CHD4: variants seen among roughly 807,000 people sequenced by gnomAD.
CHD4 encodes chromodomain helicase DNA binding protein 4, also known as ATP-dependent chromatin remodeler CHD4.
A neutral mutation model predicts 235.5 loss-of-function variants in CHD4; 35 were observed. The observed-to-expected ratio is 0.15, with a 90% CI of 0.11 to 0.20. The LOEUF (loss-of-function observed/expected upper bound fraction) is 0.20. Among genes scored for constraint, CHD4 ranks in the 10% least tolerant of loss-of-function variants. CHD4 has a pLI of 1.00. For missense variants in CHD4, 1,329 were observed against 2,432.3 expected (o/e 0.55, Z 9.54); for synonymous variants, 900 against 850.2 (o/e 1.06, Z -1.02).
At chr12:6,573,009 G>A (rs1592256605) in intron 38 of CHD4, 65 bp downstream of exon 38, 1 of 1,466,104 alleles carries the variant, frequency 6.8e-7, no homozygotes, top group Admixed American at 2.3e-5. Flanking sequence ...ACAAATATAT[G>A]TACATTAGGA....
At position 6,583,072 on chromosome 12, in the gene CHD4, C is replaced by T. The variant is rs1290450080; in HGVS notation, c.4102G>A (p.Val1368Met). ...DQSDNQSDYS[V>M]ASEEGDEDFD... ...TCTTCATCACCTTCCTCTGAAGCCA[C>T]TGAGTAATCGGACTGGTTGTCGGAC... Residue 1368 changes from valine to methionine, a missense_variant, in exon 27 of 40, where the codon GTG becomes ATG. Physicochemically the swap from Val to Met is conservative, Grantham distance 21. Around this residue, in one of 26 missense-constraint regions of CHD4, gnomAD observed 46 missense variants for 85.6 expected, o/e 0.54. Transcript: ENST00000544040. The T allele has an allele frequency of 6.3e-7, 1 of 1,575,214 alleles. No individual in the cohort carries two copies. The highest frequency in any genetic ancestry group is 1.4e-5 in the African/African-American group (1 of 73,712).
chr12:6,593,306 C>T lies in CHD4; in HGVS notation c.2515-78G>A. 1.2e-6 allele frequency: 2 copies of T among 1,604,690 alleles called. No homozygotes were observed. The highest frequency in any genetic ancestry group is 2.2e-5 in the East Asian group (1 of 44,818). Reference sequence around the variant, plus strand: ...AACCAGGAGACTGATGGAATGTTTTCCTCCTCCCAGGGTTACCCTTTTGCC... The same window carrying T: ...AACCAGGAGACTGATGGAATGTTTTTCTCCTCCCAGGGTTACCCTTTTGCC... On this transcript the variant is annotated intron_variant, in intron 16 of 39. Transcript: ENST00000544040. This position sits in a 1 kb window ranked among gnomAD's most constrained non-coding sequence, Gnocchi z 4.9.
chr12:6,600,459 C>CCAAAAA, intron 8 of CHD4, 64 bp from the exon 9 acceptor site: 2 of 1,605,096 alleles, frequency 1.2e-6, no homozygotes, highest in Non-Finnish European at 1.7e-6. Context: ...CCCCCCGACC[C>CCAAAAA]CTATCTCCTT....
At chr12:6,604,020 G>A (rs569570115) in intron 2 of CHD4, among the ~76,000 whole-genome samples, 4 of 152,336 alleles carry the variant, frequency 2.6e-5, no homozygotes, top group African/African-American at 9.6e-5. Context: ...GCTCATGCCT[G>A]TAATCGCAGC....
intron 14 of CHD4, 136 bp downstream of exon 14, chr12:6,595,198 G>A: frequency 2.9e-6 from 2 of 681,746 alleles, no homozygotes; most frequent in South Asian, 2.0e-5. Context: ...GGAGAAGTGG[G>A]GAAGCCGACT....
chr12:6,592,901 C>T (rs1948424871), intron 17 of CHD4, 84 bp from the exon 18 acceptor site: 1 of 1,547,282 alleles, frequency 6.5e-7, no homozygotes, highest in Non-Finnish European at 8.7e-7. Context: ...TTTTCACTGC[C>T]CAATAGTTAA....
intron 33 of CHD4, 110 bp downstream of exon 33, chr12:6,580,934 G>GA: frequency 8.3e-7 from 1 of 1,204,890 alleles, no homozygotes; most frequent in Non-Finnish European, 1.2e-6. Context: ...TCGAACCTGG[G>GA]AGGTGGAGGT....
At position 6,593,667 on chromosome 12, in the gene CHD4, C is replaced by A; in HGVS notation, c.2314-51G>T. On this transcript the variant is annotated intron_variant, in intron 15 of 39. Transcript: ENST00000544040. This position sits in a 1 kb window ranked among gnomAD's most constrained non-coding sequence, Gnocchi z 4.9. ...GACTGAGGGCCCCAGCACACTGCAA[C>A]CCCAGCGAACACCCACCACCCTGCT... is the stretch of plus-strand genomic sequence containing the variant. 1 of 1,539,458 alleles carries A rather than the reference C, an allele frequency of 6.5e-7. No homozygotes were observed. Among genetic ancestry groups the A allele is most frequent in the South Asian group, 1.1e-5 (1 of 88,714 alleles).
intron 25 of CHD4, 86 bp from the exon 26 acceptor site, chr12:6,583,464 G>A (rs1442824303): frequency 8.3e-7 from 1 of 1,208,072 alleles, no homozygotes; most frequent in Non-Finnish European, 1.2e-6. Flanking sequence ...CACTCTGCTA[G>A]CTCCTTTTCA....
intron 12 of CHD4, among the ~76,000 whole-genome samples, chr12:6,597,256 A>G (rs1248621138): frequency 1.3e-5 from 2 of 150,816 alleles, no homozygotes; most frequent in Non-Finnish European, 3.0e-5. Context: ...AGCCTGGGTG[A>G]CAAGTCTGTC....
chr12:6,593,655 A>G lies in CHD4; in HGVS notation c.2314-39T>C, dbSNP rs1332217079. 1.6e-5 allele frequency: 25 copies of G among 1,592,098 alleles called. No homozygotes were observed. The highest frequency in any genetic ancestry group is 1.8e-4 in the Middle Eastern group (1 of 5,654). Reference sequence around the variant, plus strand: ...GAGGAGAGTCAGGACTGAGGGCCCCAGCACACTGCAACCCCAGCGAACACC... The same window carrying G: ...GAGGAGAGTCAGGACTGAGGGCCCCGGCACACTGCAACCCCAGCGAACACC... On this transcript the variant is annotated intron_variant, in intron 15 of 39. Transcript: ENST00000544040. This position sits in a 1 kb window ranked among gnomAD's most constrained non-coding sequence, Gnocchi z 4.9.
At chr12:6,578,291 T>C (rs191278045) in intron 35 of CHD4, 118 bp downstream of exon 35, 150 of 1,409,966 alleles carry the variant, frequency 1.1e-4, no homozygotes, top group Middle Eastern at 2.0e-4. Flanking sequence ...CACTATCAGT[T>C]TGGCATTCCC....
rs758210504 is a variant in CHD4 at position 6,577,778 on chromosome 12, C to T, written c.5361+7G>A. ...CTTAAGCAATATATTCCTCCCCAAC[C>T]GCTCACCTTAAACCTTCGAGCTAGA... On this transcript the variant is annotated splice_region_variant and intron_variant, in intron 37 of 39. Transcript: ENST00000544040. 1.7e-5 allele frequency: 28 copies of T among 1,613,978 alleles called. No individual in the cohort carries two copies. The East Asian group carries it at 4.0e-4, about 23-fold the overall frequency.
At chr12:6,575,931 T>C (rs916689153) in intron 37 of CHD4, among the ~76,000 whole-genome samples, 1 of 152,216 alleles carries the variant, frequency 6.6e-6, no homozygotes, top group African/African-American at 2.4e-5. Flanking sequence ...TTTGTTCAGA[T>C]ACCCTTCTGT....
Position 6,602,443 on chromosome 12 carries a change from T to C in CHD4, c.155A>G (p.Lys52Arg), listed in dbSNP as rs1387004937. Reference sequence around the variant, plus strand: ...AGGTTTCTTAGGCTTTTTCTTCTTCTTGAGCTTTGGAGTCTCTGTTTCTGA... The same window carrying C: ...AGGTTTCTTAGGCTTTTTCTTCTTCCTGAGCTTTGGAGTCTCTGTTTCTGA... Reference protein sequence around the residue: ...DLSETETPKLKKKKKPKKPRD... With the variant: ...DLSETETPKLRKKKKPKKPRD... Residue 52 changes from lysine to arginine, a missense_variant, in exon 3 of 40, where the codon AAG becomes AGG. By Grantham distance (26) the Lys-to-Arg change is conservative (BLOSUM62 2). Transcript: ENST00000544040. 3.1e-6 allele frequency: 5 copies of C among 1,614,174 alleles called. No individual in the cohort carries two copies. The highest frequency in any genetic ancestry group is 3.4e-6 in the Non-Finnish European group (4 of 1,180,036).
rs1948407543 is a variant in CHD4 at position 6,591,909 on chromosome 12, T to G, written c.3090+7A>C. 1 of 1,614,114 alleles carries G rather than the reference T, an allele frequency of 6.2e-7. No homozygotes were observed. Among genetic ancestry groups the G allele is most frequent in the South Asian group, 1.1e-5 (1 of 91,088 alleles). On this transcript the variant is annotated splice_region_variant and intron_variant, in intron 20 of 39. Transcript: ENST00000544040. ...CCCAGGGAGGAACAGGAGATGGCAC[T>G]ACATACCATTGCAGCCACAGGGAAG...
rs529497052 is a variant in CHD4, at chr12:6,570,904, G to A, written c.5686C>T (p.Leu1896=). 1 of 1,614,210 alleles carries A rather than the reference G, an allele frequency of 6.2e-7. No homozygotes were observed. The highest frequency in any genetic ancestry group is 1.1e-5 in the South Asian group (1 of 91,088). The change falls in exon 39 of 40, where the codon CTG becomes TTG. Residue 1896 remains leucine, a synonymous_variant. Transcript: ENST00000544040. ...QMSERNILSR[L]ANRAPEPTPQ... ...GTAGGTTCGGGTGCCCGGTTTGCCAGGCGGCTGAGAATGTTACGCTCTGAC... is the reference window on the plus strand; with the variant it reads ...GTAGGTTCGGGTGCCCGGTTTGCCAAGCGGCTGAGAATGTTACGCTCTGAC...
In CHD4 at chr12:6,600,262, G is replaced by A. The variant is rs753138255; in HGVS notation, c.1197C>T (p.Pro399=). 19 of 1,614,100 alleles carry A rather than the reference G, an allele frequency of 1.2e-5. No homozygotes were observed. Among genetic ancestry groups the A allele is most frequent in the East Asian group, 2.2e-5 (1 of 44,882 alleles). ...TGCCCTCGGGAGCCTTCTCCATGTC[G>A]GGATCCAGGCAGACCATGTGGTAAG... ...PRAYHMVCLD[P]DMEKAPEGKW... The change falls in exon 9 of 40, where the codon CCC becomes CCT. Residue 399 remains proline (P), a synonymous_variant. Coordinates refer to ENST00000544040, the MANE Select transcript of CHD4 (RefSeq NM_001273.5).
intron 37 of CHD4, among the ~76,000 whole-genome samples, chr12:6,574,577 T>C (rs918931502): frequency 6.6e-6 from 1 of 152,212 alleles, no homozygotes; most frequent in African/African-American, 2.4e-5. Flanking sequence ...CCTCTCCTAG[T>C]GTCAGCCAGC....
Sources: allele counts gnomAD v4.1 joint callset (sites outside exome capture counted in the v4.1 genomes callset), GRCh38; gene constraint gnomAD v4.1.1; regional missense constraint gnomAD v4.1.1; non-coding constraint Gnocchi (gnomAD v3.1); transcripts MANE v1.5; gene names NCBI Gene and HGNC (gene_info 2026-07-23, HGNC 2026-07-21).